Variants in CPNE4 observed in about 807,000 individuals in gnomAD.
CPNE4 encodes the protein copine 4, also known as copine-4.
In CPNE4, 25 loss-of-function variants were observed where a neutral mutation model predicts 67.9. That is an observed-to-expected ratio of 0.37 (90% CI 0.27 to 0.51). The LOEUF is 0.51. CPNE4 is among the 20% of genes least tolerant of loss of function. The probability of loss-of-function intolerance (pLI) is 0.93; values close to 1 mark genes in which losing one functional copy is unlikely to be tolerated. For synonymous variants in CPNE4, 242 were observed against 244.9 expected, an observed-to-expected ratio of 0.99 and a Z score of 0.11; for missense variants, 464 against 690.8, an observed-to-expected ratio of 0.67 and a Z score of 3.68.
At chr3:131,782,377 T>C (rs942467277) in intron 2 of CPNE4, among the ~76,000 whole-genome samples, 4 of 152,164 alleles carry the variant, frequency 2.6e-5, no homozygotes, top group African/African-American at 7.2e-5. Context: ...TAGAATTTTA[T>C]TGAAGAATTT....
intron 12 of CPNE4, 75 bp downstream of exon 12, chr3:131,555,422 G>C: frequency 7.6e-7 from 1 of 1,314,350 alleles, no homozygotes; most frequent in South Asian, 1.2e-5. Flanking sequence ...AGGAGTGTGA[G>C]ACTGCTGCAA....
At chr3:131,796,627 T>TTCCCCTGG (rs2083925944) in intron 2 of CPNE4, among the ~76,000 whole-genome samples, 1 of 152,214 alleles carries the variant, frequency 6.6e-6, no homozygotes, top group African/African-American at 2.4e-5. Flanking sequence ...AGGGTCCCCC[T>TTCCCCTGG]TCCCCTGGAG....
upstream of CPNE4, among the ~76,000 whole-genome samples, chr3:132,036,742 C>G (rs1199986018): frequency 6.6e-6 from 1 of 152,090 alleles, no homozygotes. Context: ...ATAATTATAA[C>G]CCCAATGCCT....
chr3:131,728,294 T>G (rs571610395), intron 2 of CPNE4, among the ~76,000 whole-genome samples: 52 of 152,330 alleles, frequency 3.4e-4, no homozygotes, highest in African/African-American at 1.2e-3. Flanking sequence ...ACTGTTATTA[T>G]CCTCTCTTAC....
chr3:131,617,357 G>A (rs1446043803), intron 7 of CPNE4, among the ~76,000 whole-genome samples: 1 of 152,008 alleles, frequency 6.6e-6, no homozygotes, highest in Non-Finnish European at 1.5e-5. Flanking sequence ...TTATTTTGTG[G>A]GGCTGTTTCT....
At chr3:131,918,406 G>A in intron 1 of CPNE4, among the ~76,000 whole-genome samples, 1 of 152,134 alleles carries the variant, frequency 6.6e-6, no homozygotes, top group Non-Finnish European at 1.5e-5. Context: ...CAGATACAAA[G>A]ATGAAAAGAC....
At chr3:131,816,403 G>A (rs1330867273) in intron 2 of CPNE4, among the ~76,000 whole-genome samples, 2 of 152,148 alleles carry the variant, frequency 1.3e-5, no homozygotes, top group African/African-American at 2.4e-5. Context: ...ATTTTGAAAA[G>A]TTTAAAATGG....
intron 1 of CPNE4, among the ~76,000 whole-genome samples, chr3:131,909,581 C>T (rs1358791691): frequency 6.6e-6 from 1 of 151,990 alleles, no homozygotes; most frequent in Non-Finnish European, 1.5e-5. Context: ...GCAAAGAAAT[C>T]TTATTGAATG....
At chr3:131,868,328 G>T (rs750582345) in intron 2 of CPNE4, among the ~76,000 whole-genome samples, 3 of 152,266 alleles carry the variant, frequency 2.0e-5, no homozygotes, top group African/African-American at 4.8e-5. Context: ...CTTAAAGAGA[G>T]GCAGGCATGC....
intron 1 of CPNE4, among the ~76,000 whole-genome samples, chr3:131,908,564 C>T (rs1374878470): frequency 6.6e-6 from 1 of 152,162 alleles, no homozygotes; most frequent in Non-Finnish European, 1.5e-5. Flanking sequence ...CTCCAAGAGC[C>T]ATCACTGTCC....
chr3:131,931,437 A>C (rs1006027735), intron 1 of CPNE4, among the ~76,000 whole-genome samples: 1 of 152,118 alleles, frequency 6.6e-6, no homozygotes, highest in Non-Finnish European at 1.5e-5. Flanking sequence ...ATTCATACCT[A>C]ATTGTCTTAA....
At chr3:131,944,897 C>T (rs567348750) in intron 1 of CPNE4, among the ~76,000 whole-genome samples, 1 of 152,254 alleles carries the variant, frequency 6.6e-6, no homozygotes, top group African/African-American at 2.4e-5. Flanking sequence ...AAAATCAACA[C>T]ATGTGCACAC....
chr3:131,625,471 C>A (rs1019726886), intron 7 of CPNE4, among the ~76,000 whole-genome samples: 1 of 151,934 alleles, frequency 6.6e-6, no homozygotes, highest in African/African-American at 2.4e-5. Flanking sequence ...ATAGATTTAC[C>A]CTTTGAGGGT....
Position 131,581,740 on chromosome 3 carries a change from G to A in CPNE4, c.781-75C>T, listed in dbSNP as rs1027000016. 3 of 1,022,154 alleles carry A rather than the reference G, an allele frequency of 2.9e-6. No individual in the cohort carries two copies. In the African/African-American group the frequency reaches 4.7e-5, roughly 16 times the overall value. The allele number at this position is 1,022,154 out of a possible 1,614,324, so 63.3% of individuals were successfully genotyped here. On this transcript the variant is annotated intron_variant, in intron 8 of 15. Coordinates refer to ENST00000429747, the MANE Select transcript of CPNE4 (RefSeq NM_130808.3). ...TTTCAATAAGGCCAAGCTCCTAGGT[G>A]CTGCTGAGGACAAACTGAACTGGAG...
At chr3:131,738,825 G>A (rs532490643) in intron 2 of CPNE4, among the ~76,000 whole-genome samples, 3 of 150,638 alleles carry the variant, frequency 2.0e-5, no homozygotes, top group African/African-American at 4.9e-5. Flanking sequence ...AACATAATAT[G>A]TACATATTCA....
intron 3 of CPNE4, among the ~76,000 whole-genome samples, chr3:131,713,023 G>A (rs1231697970): frequency 6.6e-6 from 1 of 152,196 alleles, no homozygotes; most frequent in Non-Finnish European, 1.5e-5. Flanking sequence ...TGGCTCCCTG[G>A]ATGAGTAGGT....
chr3:131,652,610 T>C (rs1372302123), intron 7 of CPNE4, among the ~76,000 whole-genome samples: 1 of 152,194 alleles, frequency 6.6e-6, no homozygotes, highest in African/African-American at 2.4e-5. Flanking sequence ...AAAAAATAAA[T>C]AGCTTTATGA....
chr3:131,850,059 T>G (rs1053901467), intron 2 of CPNE4, among the ~76,000 whole-genome samples: 1 of 152,180 alleles, frequency 6.6e-6, no homozygotes, highest in African/African-American at 2.4e-5. Context: ...TATTCATGAC[T>G]GTTATCCCCT....
chr3:131,837,569 AT>A (rs200420564), intron 2 of CPNE4, among the ~76,000 whole-genome samples: 10 of 151,958 alleles, frequency 6.6e-5, no homozygotes, highest in Admixed American at 2.6e-4. Flanking sequence ...ACACAGGGAG[AT>A]TTTTTTTGGG....
Sources: gnomAD v4.1 joint callset for allele counts (sites outside exome capture counted in the v4.1 genomes callset) on GRCh38, gnomAD v4.1.1 for gene constraint, MANE v1.5 for transcripts, NCBI Gene and HGNC (gene_info 2026-07-23, HGNC 2026-07-21) for gene names.